JMJD1C: variants seen among roughly 807,000 people sequenced by gnomAD.
JMJD1C encodes the protein jumonji domain-containing protein 1C.
In JMJD1C, 31 loss-of-function variants were observed where a neutral mutation model predicts 245.3. The ratio of observed to expected loss-of-function variants is 0.13; its 90% CI spans 0.09 to 0.17. The LOEUF is 0.17. JMJD1C is among the 10% of genes least tolerant of loss of function. The pLI, the probability that JMJD1C is intolerant of heterozygous loss-of-function variation, is 1.00. For missense variants in JMJD1C, 2,691 were observed against 3,000.2 expected (o/e 0.90, Z 2.41); for synonymous variants, 1,057 against 1,017.4 (o/e 1.04, Z -0.74).
At chr10:63,204,688 G>GT in intron 10 of JMJD1C, 1 of 985,398 alleles carries the variant, frequency 1.0e-6, no homozygotes, top group Non-Finnish European at 1.2e-6. Context: ...TAAATGGCAG[G>GT]TATCCTTCGA....
chr10:63,178,779 A>G (rs1843111020), intron 22 of JMJD1C, among the ~76,000 whole-genome samples: 1 of 152,210 alleles, frequency 6.6e-6, no homozygotes, highest in South Asian at 2.1e-4. Flanking sequence ...GTATGTACAG[A>G]AAAAAACTTT....
intron 2 of JMJD1C, among the ~76,000 whole-genome samples, chr10:63,345,077 A>G (rs537861117): frequency 5.6e-4 from 85 of 152,362 alleles, no homozygotes; most frequent in African/African-American, 2.0e-3. Flanking sequence ...AAATCTGTAT[A>G]TGTATGTTTT....
intron 2 of JMJD1C, among the ~76,000 whole-genome samples, chr10:63,290,294 C>T (rs1254151981): frequency 2.0e-5 from 3 of 152,146 alleles, no homozygotes; most frequent in African/African-American, 7.2e-5. Flanking sequence ...GGTGGCCAGG[C>T]GCGGTGGCTC....
At chr10:63,372,160 C>G (rs1331294262) in intron 2 of JMJD1C, among the ~76,000 whole-genome samples, 1 of 152,088 alleles carries the variant, frequency 6.6e-6, no homozygotes, top group Non-Finnish European at 1.5e-5. Context: ...AAAAAGCACT[C>G]TAAGAGAATA....
intron 1 of JMJD1C, among the ~76,000 whole-genome samples, chr10:63,463,982 A>AT (rs200926469): frequency 8.2e-4 from 123 of 150,514 alleles, no homozygotes; most frequent in East Asian, 1.6e-3. Flanking sequence ...ATATATACAA[A>AT]TTTTTTTTTT....
Position 63,264,009 on chromosome 10 carries a change from A to C in JMJD1C, c.447+642T>G, listed in dbSNP as rs548076123. On this transcript the variant is annotated intron_variant, in intron 3 of 25. Transcript: ENST00000399262. Reference sequence around the variant, plus strand: ...ACACACACACACACACACACACACAATTCTGTGAGCTTTACTTATACCTGA... The same window carrying C: ...ACACACACACACACACACACACACACTTCTGTGAGCTTTACTTATACCTGA... Among the ~76,000 whole-genome samples the C allele has an allele frequency of 4.3e-5, 6 of 138,218 alleles. No homozygotes were observed. In the South Asian group the frequency reaches 7.0e-4, roughly 16 times the overall value. The allele number at this position is 138,218 out of a possible 152,430, so 90.7% of individuals were successfully genotyped here.
At chr10:63,515,802 T>C (rs768248309) in intron 1 of JMJD1C, among the ~76,000 whole-genome samples, 10 of 152,236 alleles carry the variant, frequency 6.6e-5, no homozygotes, top group Non-Finnish European at 1.3e-4. Context: ...TACTTCTTAA[T>C]AGTTTTTAAG....
chr10:63,322,939 T>C (rs1351117436), intron 2 of JMJD1C, among the ~76,000 whole-genome samples: 2 of 151,762 alleles, frequency 1.3e-5, no homozygotes, highest in Non-Finnish European at 2.9e-5. Flanking sequence ...ATTGTTTACG[T>C]ATCTAGTCAT....
At chr10:63,222,108 AC>A in intron 3 of JMJD1C, 1 of 605,726 alleles carries the variant, frequency 1.7e-6, no homozygotes, top group Non-Finnish European at 3.0e-6. Context: ...TCACTTTAAA[AC>A]TTCCTTACAT....
At chr10:63,198,151 T>G (rs1368727523) in intron 12 of JMJD1C, among the ~76,000 whole-genome samples, 1 of 152,226 alleles carries the variant, frequency 6.6e-6, no homozygotes, top group African/African-American at 2.4e-5. Flanking sequence ...GAGAGGTTAT[T>G]TGCCAAAGGT....
chr10:63,443,952 G>C (rs1227548355), intron 1 of JMJD1C, among the ~76,000 whole-genome samples: 1 of 152,204 alleles, frequency 6.6e-6, no homozygotes, highest in Non-Finnish European at 1.5e-5. Context: ...ACTGTATACA[G>C]TAGTATGAAT....
At chr10:63,228,209 TA>T (rs916393055) in intron 3 of JMJD1C, among the ~76,000 whole-genome samples, 2 of 151,856 alleles carry the variant, frequency 1.3e-5, no homozygotes, top group South Asian at 2.1e-4. Flanking sequence ...GAAAAGTAGC[TA>T]AAAAAATACC....
At chr10:63,222,248 T>A (rs1848683975) in intron 3 of JMJD1C, 1 of 803,470 alleles carries the variant, frequency 1.2e-6, no homozygotes, top group African/African-American at 1.7e-5. Flanking sequence ...TCAAGATGAT[T>A]TACAGGATGT....
At chr10:63,286,439 A>C (rs1857986658) in intron 2 of JMJD1C, among the ~76,000 whole-genome samples, 1 of 152,226 alleles carries the variant, frequency 6.6e-6, no homozygotes, top group Non-Finnish European at 1.5e-5. Context: ...CACCTGGCCT[A>C]GAGTGAATAT....
At chr10:63,247,595 T>C (rs1346803099) in intron 3 of JMJD1C, among the ~76,000 whole-genome samples, 1 of 149,842 alleles carries the variant, frequency 6.7e-6, no homozygotes, top group African/African-American at 2.5e-5. Flanking sequence ...ACAAAATGTA[T>C]GGTTGTGCAT....
chr10:63,248,765 T>C (rs1327460372), intron 3 of JMJD1C, among the ~76,000 whole-genome samples: 3 of 152,158 alleles, frequency 2.0e-5, no homozygotes, highest in East Asian at 1.9e-4. Flanking sequence ...ATCAAAGAGA[T>C]AGCTGCATTT....
chr10:63,235,898 T>C (rs1015331844), intron 3 of JMJD1C, among the ~76,000 whole-genome samples: 3 of 152,238 alleles, frequency 2.0e-5, no homozygotes, highest in Admixed American at 6.5e-5. Flanking sequence ...AAAAGGAAGA[T>C]GACCCAATTT....
intron 1 of JMJD1C, among the ~76,000 whole-genome samples, chr10:63,520,785 T>G (rs1955191161): frequency 6.6e-6 from 1 of 152,228 alleles, no homozygotes; most frequent in South Asian, 2.1e-4. Context: ...GTGGTATCAC[T>G]GCACCCACTA....
rs1290772143 is a variant in JMJD1C, at chr10:63,301,846, T to C, written c.334-37082A>G. ...AAAATAAAATAAAACATTTTCACAA[T>C]GAAGAAAAAACAAACAAATGGCTAA... On this transcript the variant is annotated intron_variant, in intron 2 of 25. Transcript: ENST00000399262. The C allele has an allele frequency of 1.6e-5, 6 of 383,362 alleles. No homozygotes were observed. The Middle Eastern group carries it at 1.5e-3, about 94-fold the overall frequency. 23.7% of individuals were successfully genotyped at this position (383,362 alleles called of 1,614,324 possible).
Sources: allele counts gnomAD v4.1 joint callset (sites outside exome capture counted in the v4.1 genomes callset), GRCh38; gene constraint gnomAD v4.1.1; transcripts MANE v1.5; gene names NCBI Gene and HGNC (gene_info 2026-07-23, HGNC 2026-07-21).